The following ANO4 variants were observed in gnomAD, a reference collection of about 807,000 sequenced individuals.
The protein encoded by ANO4 is anoctamin 4.
ANO4 carries 69 observed loss-of-function variants against 141.9 expected under a neutral mutation model. That is an observed-to-expected ratio of 0.49 (90% confidence interval 0.40 to 0.59). The LOEUF is 0.59. Ranked by LOEUF, ANO4 falls within the 20% of genes least tolerant of loss-of-function variation. The pLI is 0.00. For synonymous variants in ANO4, 350 were observed against 394.3 expected, an observed-to-expected ratio of 0.89 and a Z score of 1.33; for missense variants, 894 against 1,162.2, an observed-to-expected ratio of 0.77 and a Z score of 3.36.
At chr12:100,742,711 T>C (rs1464976525) in intron 3 of ANO4, among the ~76,000 whole-genome samples, 1 of 152,182 alleles carries the variant, frequency 6.6e-6, no homozygotes, top group Admixed American at 6.5e-5. Flanking sequence ...CATTCTGCAG[T>C]CCTAGAAAGA....
intron 8 of ANO4, among the ~76,000 whole-genome samples, chr12:101,001,912 C>A (rs1308816693): frequency 6.6e-6 from 1 of 152,104 alleles, no homozygotes; most frequent in Non-Finnish European, 1.5e-5. Context: ...AAACCTGATT[C>A]TTCTCACTTC....
intron 1 of ANO4, among the ~76,000 whole-genome samples, chr12:100,863,688 A>C (rs1397763263): frequency 1.3e-5 from 2 of 152,202 alleles, no homozygotes; most frequent in Non-Finnish European, 2.9e-5. Context: ...AAACTTAACA[A>C]TAATTGTGGC....
chr12:100,746,590 G>A (rs767350630), intron 3 of ANO4, among the ~76,000 whole-genome samples: 1 of 152,174 alleles, frequency 6.6e-6, no homozygotes, highest in Non-Finnish European at 1.5e-5. Flanking sequence ...ATTTGGCAAT[G>A]TCTGCAGATA....
At chr12:100,954,019 A>G (rs1298540419) in intron 5 of ANO4, among the ~76,000 whole-genome samples, 1 of 152,102 alleles carries the variant, frequency 6.6e-6, no homozygotes, top group Non-Finnish European at 1.5e-5. Context: ...CCTAGTTGCA[A>G]ACACCTCCCT....
chr12:100,912,758 C>T (rs1222166976), intron 2 of ANO4, among the ~76,000 whole-genome samples: 1 of 152,132 alleles, frequency 6.6e-6, no homozygotes, highest in Non-Finnish European at 1.5e-5. Flanking sequence ...GATAATCAGT[C>T]TTCCTATTTG....
At chr12:100,905,224 A>G (rs2040784980) in intron 2 of ANO4, among the ~76,000 whole-genome samples, 2 of 152,304 alleles carry the variant, frequency 1.3e-5, no homozygotes, top group South Asian at 4.1e-4. Context: ...TATAAAACTA[A>G]TAGTTGTTGA....
chr12:101,073,713 G>T (rs1341040666), intron 14 of ANO4, among the ~76,000 whole-genome samples: 1 of 151,806 alleles, frequency 6.6e-6, no homozygotes, highest in Non-Finnish European at 1.5e-5. Flanking sequence ...AGAGTGTCCT[G>T]GTATCTGAAC....
At chr12:100,859,129 T>C (rs2038338937) in intron 1 of ANO4, 1 of 152,162 alleles carries the variant, frequency 6.6e-6, no homozygotes, top group Non-Finnish European at 1.5e-5. Flanking sequence ...CCTTCCTTTT[T>C]TGGGCTATAG....
chr12:101,007,182 G>T lies in ANO4; in HGVS notation c.735-12852G>T, dbSNP rs1175382482. On this transcript the variant is annotated intron_variant, in intron 8 of 27. Transcript: ENST00000392977. ...AGCCTGGCCAACGTGGCGAAACCCT[G>T]TCTCTACTAAAAATACAAAAATTAG... is the stretch of plus-strand genomic sequence containing the variant. Among the ~76,000 whole-genome samples the T allele has an allele frequency of 7.9e-5, 12 of 152,232 alleles. No individual in the cohort carries two copies. The East Asian group carries it at 2.3e-3, about 29-fold the overall frequency.
chr12:100,800,814 C>G (rs931936811), intron 1 of ANO4, among the ~76,000 whole-genome samples: 6 of 152,212 alleles, frequency 3.9e-5, no homozygotes, highest in Admixed American at 3.3e-4. Context: ...CTTCCTTGTT[C>G]TATGTCTGGT....
intron 7 of ANO4, among the ~76,000 whole-genome samples, chr12:100,986,636 A>T (rs1187295557): frequency 1.3e-5 from 2 of 152,238 alleles, no homozygotes; most frequent in Non-Finnish European, 2.9e-5. Context: ...AAAAAAATAA[A>T]GCATGACCAA....
At chr12:101,097,599 T>C (rs2050035177) in intron 19 of ANO4, 52 bp from the exon 20 acceptor site, 1 of 1,544,036 alleles carries the variant, frequency 6.5e-7, no homozygotes, top group Non-Finnish European at 8.9e-7. Flanking sequence ...TAATATTCGC[T>C]GAAAGCTTGG....
At chr12:100,840,123 A>AAATGAT (rs1555228061) in intron 1 of ANO4, among the ~76,000 whole-genome samples, 36 of 149,730 alleles carry the variant, frequency 2.4e-4, no homozygotes, top group African/African-American at 8.1e-4. Flanking sequence ...CTTAAACCAA[A>AAATGAT]AATAATAATA....
At chr12:100,971,765 C>A (rs915903199) in intron 6 of ANO4, among the ~76,000 whole-genome samples, 1 of 151,820 alleles carries the variant, frequency 6.6e-6, no homozygotes, top group East Asian at 1.9e-4. Context: ...TTTTCATGTT[C>A]TTTACTGACT....
At chr12:100,997,096 G>C (rs1250227600) in intron 8 of ANO4, among the ~76,000 whole-genome samples, 1 of 152,100 alleles carries the variant, frequency 6.6e-6, no homozygotes, top group Non-Finnish European at 1.5e-5. Context: ...AGCACTTTGG[G>C]AGGCCGAGGC....
chr12:101,087,064 T>A (rs761249027), intron 17 of ANO4, among the ~76,000 whole-genome samples: 9 of 152,202 alleles, frequency 5.9e-5, no homozygotes, highest in Non-Finnish European at 8.8e-5. Context: ...ACATAACCTC[T>A]CTGAACATTA....
chr12:100,986,728 A>T (rs768596996), intron 7 of ANO4, among the ~76,000 whole-genome samples: 4 of 152,190 alleles, frequency 2.6e-5, no homozygotes, highest in Non-Finnish European at 4.4e-5. Context: ...ATCATTTTAA[A>T]GTTTGGTGTG....
At chr12:100,757,133 T>A (rs566232127) in intron 3 of ANO4, among the ~76,000 whole-genome samples, 8 of 152,286 alleles carry the variant, frequency 5.3e-5, no homozygotes, top group Admixed American at 3.3e-4. Flanking sequence ...AATTGGTGAA[T>A]GTACCCAGTT....
At chr12:101,105,552 A>G (rs1463688915) in intron 22 of ANO4, among the ~76,000 whole-genome samples, 1 of 152,222 alleles carries the variant, frequency 6.6e-6, no homozygotes, top group African/African-American at 2.4e-5. Context: ...GAGCCTCTAC[A>G]TGTGTGGCAT....
Sources: gnomAD v4.1 joint callset for allele counts (sites outside exome capture counted in the v4.1 genomes callset) on GRCh38, gnomAD v4.1.1 for gene constraint, MANE v1.5 for transcripts, NCBI Gene and HGNC (gene_info 2026-07-23, HGNC 2026-07-21) for gene names.